DLG1: variants seen among roughly 807,000 people sequenced by gnomAD.
DLG1 encodes the protein discs large MAGUK scaffold protein 1, also known as disks large homolog 1.
A neutral mutation model predicts 123.4 loss-of-function variants in DLG1; 42 were observed. That is an observed-to-expected ratio of 0.34 (90% CI 0.27 to 0.44). DLG1 has a LOEUF of 0.44. DLG1 is among the 20% of genes least tolerant of loss of function. DLG1 has a pLI of 1.00. For synonymous variants in DLG1, 317 were observed against 356.2 expected (o/e 0.89, Z 1.24); for missense variants, 942 against 1,082.6 (o/e 0.87, Z 1.82).
chr3:197,214,507 A>G (rs570883556), intron 4 of DLG1, among the ~76,000 whole-genome samples: 47 of 152,212 alleles, frequency 3.1e-4, no homozygotes, highest in Admixed American at 2.5e-3. Context: ...CAGGAGGCGG[A>G]GCTTGTAGTG....
At chr3:197,208,329 T>A (rs538225982) in intron 4 of DLG1, among the ~76,000 whole-genome samples, 8 of 146,808 alleles carry the variant, frequency 5.4e-5, no homozygotes, top group South Asian at 2.5e-4. Context: ...GTACTACCTC[T>A]ATAAAAGGAC....
chr3:197,138,313 T>C lies in DLG1; in HGVS notation c.792A>G (p.Lys264=), dbSNP rs773501371. The C allele has an allele frequency of 5.0e-6, 8 of 1,603,294 alleles. No homozygotes were observed. In the East Asian group the frequency reaches 1.8e-4, roughly 36 times the overall value. The change falls in exon 9 of 25, where the codon AAA becomes AAG. Residue 264 remains lysine, a synonymous_variant. Coordinates refer to ENST00000667157, the MANE Select transcript of DLG1 (RefSeq NM_001366207.1). ...VTHSKAVEAL[K]EAGSIVRLYV... ...ACAAGCGTACAATAGACCCTGCTTCTTTCAACGCTTCAACTGCTTTGCTAT... is the reference window on the plus strand; with the variant it reads ...ACAAGCGTACAATAGACCCTGCTTCCTTCAACGCTTCAACTGCTTTGCTAT...
chr3:197,242,815 A>C (rs1749626927), intron 4 of DLG1, among the ~76,000 whole-genome samples: 1 of 152,172 alleles, frequency 6.6e-6, no homozygotes, highest in African/African-American at 2.4e-5. Context: ...TCAAAAAAGT[A>C]GAAATAGGCT....
At chr3:197,297,413 T>A in intron 1 of DLG1, 178 bp from the exon 2 acceptor site, 1 of 1,425,726 alleles carries the variant, frequency 7.0e-7, no homozygotes, top group Middle Eastern at 2.2e-4. Context: ...AGCTTTTCCT[T>A]GGAGTGGGTA....
rs529458104 is a variant in DLG1, at chr3:197,142,796, A to G, written c.538-28T>C. 5.0e-6 allele frequency: 8 copies of G among 1,589,654 alleles called. No individual in the cohort carries two copies. In the East Asian group the frequency reaches 1.4e-4, roughly 27 times the overall value. On this transcript the variant is annotated intron_variant, in intron 6 of 24. Coordinates refer to ENST00000667157, the MANE Select transcript of DLG1 (RefSeq NM_001366207.1). ...ACAGGGGAAAAGAAAAGCAGCTCAG[A>G]AACTTCAGAGTGTAAAATCCAAAAT...
intron 17 of DLG1, chr3:197,078,561 G>T (rs141624633): frequency 6.6e-6 from 1 of 152,194 alleles, no homozygotes; most frequent in East Asian, 1.9e-4. Context: ...CTAAGTAGAA[G>T]TTAAAAATTC....
intron 18 of DLG1, among the ~76,000 whole-genome samples, chr3:197,073,291 G>C (rs1745216357): frequency 6.6e-6 from 1 of 152,106 alleles, no homozygotes; most frequent in Admixed American, 6.6e-5. Flanking sequence ...AAATTTTTGA[G>C]GTGTTGTACA....
chr3:197,101,225 T>C (rs530619744), intron 14 of DLG1, among the ~76,000 whole-genome samples: 3 of 152,180 alleles, frequency 2.0e-5, no homozygotes, highest in Admixed American at 6.5e-5. Context: ...AACTAGCAAA[T>C]TACTTGGTCT....
intron 24 of DLG1, among the ~76,000 whole-genome samples, chr3:197,048,563 T>G (rs1339252834): frequency 6.6e-6 from 1 of 152,166 alleles, no homozygotes; most frequent in Non-Finnish European, 1.5e-5. Context: ...GGCAATGGTA[T>G]GAAGAAAAGG....
intron 4 of DLG1, among the ~76,000 whole-genome samples, chr3:197,196,171 C>CAAAAAAA (rs71162001): frequency 4.5e-5 from 4 of 88,708 alleles, no homozygotes; most frequent in African/African-American, 4.5e-5. Flanking sequence ...AAATGCACAC[C>CAAAAAAA]AAAAAAAAAA....
At chr3:197,076,823 A>G in intron 17 of DLG1, 138 bp from the exon 18 acceptor site, 1 of 464,882 alleles carries the variant, frequency 2.2e-6, no homozygotes, top group Non-Finnish European at 3.9e-6. Flanking sequence ...TTAATCTCAT[A>G]TAAAGTGAAT....
intron 5 of DLG1, among the ~76,000 whole-genome samples, chr3:197,164,891 T>G (rs1235370664): frequency 2.7e-5 from 4 of 150,846 alleles, no homozygotes; most frequent in African/African-American, 9.8e-5. Flanking sequence ...GCCACTGTAC[T>G]CCAGCCTGGG....
At chr3:197,197,911 T>C (rs1723394847) in intron 4 of DLG1, among the ~76,000 whole-genome samples, 1 of 152,178 alleles carries the variant, frequency 6.6e-6, no homozygotes, top group South Asian at 2.1e-4. Context: ...TTTTAACAAA[T>C]GATATTGGGA....
At chr3:197,048,330 G>C (rs941969199) in intron 24 of DLG1, among the ~76,000 whole-genome samples, 1 of 152,144 alleles carries the variant, frequency 6.6e-6, no homozygotes, top group Non-Finnish European at 1.5e-5. Flanking sequence ...AATTAGCCGG[G>C]TGTGGTGGCA....
At position 197,158,296 on chromosome 3, in the gene DLG1, T is replaced by C. The variant is rs144083693; in HGVS notation, c.484-8500A>G. The stretch of plus-strand genomic sequence containing the variant: ...AAGTGTTGGTGAGGATGTGGAGAAA[T>C]TGGAATCCTTGTGCACTTTGGTGGA... On this transcript the variant is annotated intron_variant, in intron 5 of 24. Coordinates refer to ENST00000667157, the MANE Select transcript of DLG1 (RefSeq NM_001366207.1). Among the ~76,000 whole-genome samples, 223 of 151,830 alleles carry C rather than the reference T, an allele frequency of 1.5e-3. 1 individual carries two copies. The highest frequency in any genetic ancestry group is 5.1e-3 in the African/African-American group (213 of 41,424).
intron 4 of DLG1, among the ~76,000 whole-genome samples, chr3:197,220,846 C>T (rs1736601287): frequency 6.6e-6 from 1 of 152,096 alleles, no homozygotes; most frequent in South Asian, 2.1e-4. Flanking sequence ...TTTGGTAGCA[C>T]AGAAATGAGA....
At chr3:197,066,306 A>G (rs1739486710) in intron 20 of DLG1, among the ~76,000 whole-genome samples, 2 of 152,160 alleles carry the variant, frequency 1.3e-5, no homozygotes, top group Non-Finnish European at 2.9e-5. Flanking sequence ...ATTGTGATAG[A>G]AGGGATGAAA....
chr3:197,142,350 T>C (rs892046774), intron 7 of DLG1, among the ~76,000 whole-genome samples: 6 of 152,010 alleles, frequency 3.9e-5, no homozygotes, highest in African/African-American at 7.2e-5. Context: ...ACATAAAAAG[T>C]AAGGAAATAG....
At chr3:197,157,605 A>T (rs1796935496) in intron 5 of DLG1, among the ~76,000 whole-genome samples, 1 of 152,226 alleles carries the variant, frequency 6.6e-6, no homozygotes, top group African/African-American at 2.4e-5. Context: ...TATTGCAAAA[A>T]TGTCAATATT....
Sources: gnomAD v4.1 joint callset for allele counts (sites outside exome capture counted in the v4.1 genomes callset) on GRCh38, gnomAD v4.1.1 for gene constraint, MANE v1.5 for transcripts, NCBI Gene and HGNC (gene_info 2026-07-23, HGNC 2026-07-21) for gene names.